Variants in LRP1B observed in about 807,000 individuals in gnomAD.
The protein encoded by LRP1B is low-density lipoprotein receptor-related protein 1B.
Under a neutral mutation model 556.6 loss-of-function variants are expected in LRP1B, and 217 were observed. That is an observed-to-expected ratio of 0.39 (90% CI 0.35 to 0.44). LRP1B has a LOEUF of 0.44. LRP1B is among the 20% of genes least tolerant of loss of function. The pLI is 1.00. For missense variants in LRP1B, 5,053 were observed against 5,620.8 expected (o/e 0.90, Z 3.23); for synonymous variants, 2,047 against 1,865.8 (o/e 1.10, Z -2.50).
intron 3 of LRP1B, among the ~76,000 whole-genome samples, chr2:141,289,947 G>A (rs762425481): frequency 6.5e-4 from 99 of 152,078 alleles, no homozygotes; most frequent in Non-Finnish European, 1.3e-3. Context: ...CATTCACTGT[G>A]AATCTATAAA....
At chr2:140,707,344 T>G (rs1370915609) in intron 37 of LRP1B, among the ~76,000 whole-genome samples, 1 of 152,114 alleles carries the variant, frequency 6.6e-6, no homozygotes, top group Non-Finnish European at 1.5e-5. Context: ...GAGAATGTCA[T>G]TGTGTCGTCT....
At chr2:140,969,681 T>C (rs1696348927) in intron 18 of LRP1B, among the ~76,000 whole-genome samples, 1 of 152,212 alleles carries the variant, frequency 6.6e-6, no homozygotes, top group South Asian at 2.1e-4. Flanking sequence ...CTGTTCCATG[T>C]TTAGTGCTTC....
chr2:141,876,600 T>A (rs900730546), intron 1 of LRP1B, among the ~76,000 whole-genome samples: 3 of 151,522 alleles, frequency 2.0e-5, no homozygotes, highest in African/African-American at 7.3e-5. Flanking sequence ...TTTACTTTTC[T>A]AGTCTTCTTA....
At chr2:140,949,163 A>G (rs1341466439) in intron 20 of LRP1B, among the ~76,000 whole-genome samples, 1 of 152,240 alleles carries the variant, frequency 6.6e-6, no homozygotes, top group African/African-American at 2.4e-5. Flanking sequence ...GCTGATATTT[A>G]AACTGAGCAG....
intron 6 of LRP1B, among the ~76,000 whole-genome samples, chr2:141,221,399 G>A (rs1169341056): frequency 6.6e-6 from 1 of 151,904 alleles, no homozygotes; most frequent in Non-Finnish European, 1.5e-5. Context: ...GGAGCACCCA[G>A]TTTCATAAAA....
At chr2:141,798,443 C>T (rs1419872702) in intron 2 of LRP1B, among the ~76,000 whole-genome samples, 2 of 152,050 alleles carry the variant, frequency 1.3e-5, no homozygotes, top group Non-Finnish European at 2.9e-5. Context: ...CACGGTGGCT[C>T]ACGCCTATAA....
chr2:141,566,713 G>T (rs1402733965), intron 2 of LRP1B, among the ~76,000 whole-genome samples: 2 of 151,982 alleles, frequency 1.3e-5, no homozygotes, highest in Admixed American at 1.3e-4. Flanking sequence ...TAAACTCCTG[G>T]ATGGGTGCAA....
intron 2 of LRP1B, among the ~76,000 whole-genome samples, chr2:141,569,600 G>T (rs533320852): frequency 6.6e-6 from 1 of 151,094 alleles, no homozygotes; most frequent in East Asian, 1.9e-4. Context: ...CAGAATAATA[G>T]AAATGTTTTA....
At chr2:141,575,919 T>C (rs76659433) in intron 2 of LRP1B, among the ~76,000 whole-genome samples, 1,648 of 152,202 alleles carry the variant, frequency 0.011, 14 homozygotes, top group Middle Eastern at 0.017. Context: ...CCAGTCATAA[T>C]GGCAATTAGT....
chr2:140,951,867 G>A lies in LRP1B; in HGVS notation c.2961C>T (p.Cys987=), dbSNP rs146639012. The A allele has an allele frequency of 5.1e-5, 82 of 1,612,454 alleles. No homozygotes were observed. The highest frequency in any genetic ancestry group is 3.3e-4 in the African/African-American group (25 of 75,008). The change falls in exon 19 of 91, where the codon TGC becomes TGT. Residue 987 remains cysteine, a synonymous_variant. Transcript: ENST00000389484. ...SGRCISSKWH[C]DSDDDCGDGS... The stretch of plus-strand genomic sequence containing the variant: ...TGAGCATTTGGTACTTGCCAGAGTC[G>A]CAGTGCCATTTGCTGCTAATGCATC...
At chr2:140,532,785 C>A (rs1690757417) in intron 47 of LRP1B, among the ~76,000 whole-genome samples, 1 of 151,810 alleles carries the variant, frequency 6.6e-6, no homozygotes, top group Admixed American at 6.6e-5. Context: ...ACTTGGAATT[C>A]TCTTTTGTTT....
chr2:140,324,156 T>TATTACTGTTTAAAAATAAA lies in LRP1B; in HGVS notation c.12341-109_12341-91dup, dbSNP rs1413053716. 7.3e-4 allele frequency: 511 copies of TATTACTGTTTAAAAATAAA among 697,066 alleles called. 3 individuals carry two copies. Among genetic ancestry groups the TATTACTGTTTAAAAATAAA allele is most frequent in the Non-Finnish European group, 1.0e-4 (43 of 421,540 alleles). The allele number at this position is 697,066 out of a possible 1,614,324, so 43.2% of individuals were successfully genotyped here. On this transcript the variant is annotated intron_variant, in intron 80 of 90. Coordinates refer to ENST00000389484, the MANE Select transcript of LRP1B (RefSeq NM_018557.3). ...TTATCCAAGACGATATTGAAAACCTTATTACTGTTTAAAAATAAACTTTCA... is the reference window on the plus strand; with the variant it reads ...TTATCCAAGACGATATTGAAAACCTTATTACTGTTTAAAAATAAAATTACTGTTTAAAAATAAACTTTCA...
chr2:140,490,156 A>C (rs1688640013), intron 57 of LRP1B, among the ~76,000 whole-genome samples: 1 of 152,098 alleles, frequency 6.6e-6, no homozygotes, highest in African/African-American at 2.4e-5. Flanking sequence ...GTAGCTAAAG[A>C]CTTGCACTCT....
chr2:140,335,689 A>T lies in LRP1B; in HGVS notation c.12042T>A (p.Asn4014Lys), dbSNP rs1488881800. Residue 4014 changes from asparagine to lysine, a missense_variant, in exon 78 of 91, where the codon AAT becomes AAA. This residue lies in a region of LRP1B where 599 missense variants were observed against 648.4 expected (regional missense o/e 0.92). Coordinates refer to ENST00000389484, the MANE Select transcript of LRP1B (RefSeq NM_018557.3). ...TTAAGAGTCTGGTGCAGTTGGGGCC[A>T]TTCAGCTGCCCTACGTTGATAGAGT... ...LRYSINVGQLNGPNCTRLLTN... is the reference protein window; with the variant it reads ...LRYSINVGQLKGPNCTRLLTN... 7.4e-6 allele frequency: 12 copies of T among 1,612,644 alleles called. No individual in the cohort carries two copies. The highest frequency in any genetic ancestry group is 5.5e-5 in the South Asian group (5 of 91,062).
intron 60 of LRP1B, among the ~76,000 whole-genome samples, chr2:140,474,288 T>C (rs1687881012): frequency 6.6e-6 from 1 of 151,958 alleles, no homozygotes; most frequent in South Asian, 2.1e-4. Context: ...TATTACTCGA[T>C]GATTAAGAAT....
intron 32 of LRP1B, among the ~76,000 whole-genome samples, chr2:140,783,041 T>A (rs1689756084): frequency 6.6e-6 from 1 of 152,220 alleles, no homozygotes; most frequent in Non-Finnish European, 1.5e-5. Context: ...AACACTATAC[T>A]ACTCAGTGCA....
At chr2:141,564,498 G>A (rs1343296882) in intron 2 of LRP1B, among the ~76,000 whole-genome samples, 1 of 152,126 alleles carries the variant, frequency 6.6e-6, no homozygotes, top group South Asian at 2.1e-4. Flanking sequence ...GGGGCATAAG[G>A]AGAGTAGAAA....
chr2:140,252,099 C>CA (rs768188298), intron 86 of LRP1B, among the ~76,000 whole-genome samples: 4,700 of 53,752 alleles, frequency 0.087, 296 homozygotes, highest in African/African-American at 0.16. Context: ...ACCCAAAAAA[C>CA]AAAAAAAAAC....
chr2:142,023,131 A>G (rs1478270092), intron 1 of LRP1B, among the ~76,000 whole-genome samples: 1 of 152,176 alleles, frequency 6.6e-6, no homozygotes, highest in Admixed American at 6.5e-5. Context: ...CTTTCTATCA[A>G]CAACCTTACC....
Sources: allele counts gnomAD v4.1 joint callset (sites outside exome capture counted in the v4.1 genomes callset), GRCh38; gene constraint gnomAD v4.1.1; regional missense constraint gnomAD v4.1.1; transcripts MANE v1.5; gene names NCBI Gene and HGNC (gene_info 2026-07-23, HGNC 2026-07-21).